CPA5: variants seen among roughly 807,000 people sequenced by gnomAD.
CPA5 encodes the protein testicular tissue protein Li 32.
CPA5 carries 38 observed loss-of-function variants against 52.2 expected under a neutral mutation model. The ratio of observed to expected loss-of-function variants is 0.73; its 90% confidence interval spans 0.56 to 0.95. The LOEUF (loss-of-function observed/expected upper bound fraction) is 0.95, where lower values mean the gene tolerates loss of function less well. Among genes scored for constraint, CPA5 ranks in the 40% least tolerant of loss-of-function variants. The probability of loss-of-function intolerance (pLI) is 0.00; values close to 1 mark genes in which losing one functional copy is unlikely to be tolerated. For synonymous variants in CPA5, 198 were observed against 213.7 expected, an observed-to-expected ratio of 0.93 and a Z score of 0.64; for missense variants, 519 against 566.7, an observed-to-expected ratio of 0.92 and a Z score of 0.86.
intron 5 of CPA5, 64 bp downstream of exon 5, chr7:130,350,173 G>A: frequency 6.5e-7 from 1 of 1,543,728 alleles, no homozygotes; most frequent in Non-Finnish European, 8.7e-7. Context: ...GCCCAACATG[G>A]AGGAGATGTT....
chr7:130,359,753 A>G, intron 6 of CPA5, 66 bp downstream of exon 6: 1 of 1,106,076 alleles, frequency 9.0e-7, no homozygotes, highest in Non-Finnish European at 1.3e-6. Context: ...CTCCTGACTC[A>G]GTCAGAAACT....
chr7:130,347,650 G>T, intron 3 of CPA5, 116 bp from the exon 4 acceptor site: 1 of 801,270 alleles, frequency 1.2e-6, no homozygotes, highest in South Asian at 1.6e-5. Context: ...GGTGCCTCCT[G>T]GCCTCCCCGC....
In CPA5 at chr7:130,368,594, C is replaced by T; in HGVS notation, c.1308C>T (p.Tyr436=). 1 of 1,614,044 alleles carries T rather than the reference C, an allele frequency of 6.2e-7. No homozygotes were observed. The highest frequency in any genetic ancestry group is 8.5e-7 in the Non-Finnish European group (1 of 1,179,996). ...TIMEHTLNHP[Y] is the part of the protein sequence containing the mutation. ...TGGAGCACACCCTGAATCACCCCTA[C>T]TAGCAGCACGACTGAGGGCAGGAGG... The change falls in exon 13 of 13, where the codon TAC becomes TAT. Residue 436 remains tyrosine, a synonymous_variant. Transcript: ENST00000474905.
chr7:130,350,882 C>A (rs1795094736), intron 5 of CPA5, among the ~76,000 whole-genome samples: 1 of 152,220 alleles, frequency 6.6e-6, no homozygotes, highest in African/African-American at 2.4e-5. Flanking sequence ...GGGTACCACT[C>A]ATTGGTTAAG....
Position 130,368,405 on chromosome 7 carries a change from T to A in CPA5, c.1124-5T>A. 6.2e-7 allele frequency: 1 copy of A among 1,613,508 alleles called. No individual in the cohort carries two copies. The highest frequency in any genetic ancestry group is 1.7e-4 in the Middle Eastern group (1 of 6,060). ...TGGGGCACATTTTGGAACTTTTGTT[T>A]CTAGATGTGGCCAGTGGGATCACCG... On this transcript the variant is annotated splice_polypyrimidine_tract_variant and splice_region_variant and intron_variant, in intron 12 of 12. Transcript: ENST00000474905.
At chr7:130,370,716 C>T (rs117811254), downstream of CPA5, among the ~76,000 whole-genome samples, 2,952 of 152,234 alleles carry the variant, frequency 0.019, 40 homozygotes, top group Non-Finnish European at 0.031. Context: ...CAGCCGGTGG[C>T]CCATCTGCAG....
chr7:130,361,054 G>C (rs1427883012), intron 6 of CPA5, 89 bp from the exon 7 acceptor site: 1 of 821,990 alleles, frequency 1.2e-6, no homozygotes, highest in Non-Finnish European at 2.1e-6. Context: ...GAAGAGAGTG[G>C]GAAGGGACAG....
downstream of CPA5, among the ~76,000 whole-genome samples, chr7:130,371,607 G>A (rs1009380467): frequency 5.3e-5 from 8 of 149,892 alleles, no homozygotes; most frequent in African/African-American, 2.0e-4. Flanking sequence ...TTTTGTTCTT[G>A]TTGCCCATGG....
chr7:130,368,384 G>A (rs1230068414), intron 12 of CPA5, 26 bp from the exon 13 acceptor site: 2 of 1,608,968 alleles, frequency 1.2e-6, no homozygotes, highest in Non-Finnish European at 1.7e-6. Flanking sequence ...CTTTTGTGGG[G>A]CACATTTTGG....
downstream of CPA5, among the ~76,000 whole-genome samples, chr7:130,372,262 C>T (rs1796302523): frequency 6.6e-6 from 1 of 152,220 alleles, no homozygotes; most frequent in South Asian, 2.1e-4. Context: ...GCGTTGCTCA[C>T]TCTCTCTGCA....
Position 130,362,429 on chromosome 7 carries a change from T to C in CPA5, c.535-9T>C, listed in dbSNP as rs782267579. 1 of 1,605,338 alleles carries C rather than the reference T, an allele frequency of 6.2e-7. No individual in the cohort carries two copies. The highest frequency in any genetic ancestry group is 8.5e-7 in the Non-Finnish European group (1 of 1,172,996). On this transcript the variant is annotated splice_polypyrimidine_tract_variant and intron_variant, in intron 7 of 12. Transcript: ENST00000474905. ...AAACCTCGGTTTGGGGCCCGATTCT[T>C]TTTCTCAGTTCAGCACTGGAGGTTC...
In CPA5 at chr7:130,368,551, T is replaced by C. The variant is rs782657191; in HGVS notation, c.1265T>C (p.Met422Thr). ...QIIPTAQETWMALRTIMEHTL... is the reference protein window; with the variant it reads ...QIIPTAQETWTALRTIMEHTL... ...ATCCCCACGGCCCAGGAGACGTGGA[T>C]GGCGCTTCGGACCATCATGGAGCAC... is the stretch of plus-strand genomic sequence containing the variant. The change falls in exon 13 of 13, where the codon ATG (methionine) becomes ACG (threonine). Residue 422 changes from methionine to threonine, a missense_variant. Met to Thr is a moderately conservative substitution (Grantham distance 81). Transcript: ENST00000474905. The C allele has an allele frequency of 3.1e-6, 5 of 1,613,940 alleles. No homozygotes were observed. Among genetic ancestry groups the C allele is most frequent in the Non-Finnish European group, 4.2e-6 (5 of 1,180,026 alleles).
Position 130,368,588 on chromosome 7 carries a change from C to T in CPA5, c.1302C>T (p.His434=). 6.2e-7 allele frequency: 1 copy of T among 1,614,024 alleles called. No individual in the cohort carries two copies. Among genetic ancestry groups the T allele is most frequent in the Non-Finnish European group, 8.5e-7 (1 of 1,179,992 alleles). The change falls in exon 13 of 13, where the codon CAC becomes CAT. Residue 434 remains histidine, a synonymous_variant. Transcript: ENST00000474905. ...LRTIMEHTLN[H]PY The stretch of plus-strand genomic sequence containing the variant: ...CCATCATGGAGCACACCCTGAATCA[C>T]CCCTACTAGCAGCACGACTGAGGGC...
chr7:130,367,582 C>G lies in CPA5; in HGVS notation c.1038+11C>G. The G allele has an allele frequency of 6.2e-7, 1 of 1,610,648 alleles. No homozygotes were observed. Among genetic ancestry groups the G allele is most frequent in the Middle Eastern group, 1.7e-4 (1 of 6,000 alleles). On this transcript the variant is annotated intron_variant, in intron 11 of 12. Coordinates refer to ENST00000474905, the MANE Select transcript of CPA5 (RefSeq NM_080385.5). ...AATCAGAGGGAGTTGGTGAGACTGG[C>G]TGCTTAGGGCCTGGGGAGAAGAGAC...
At position 130,368,647 on chromosome 7, in the gene CPA5, C is replaced by T; in HGVS notation, c.*50C>T. 1.9e-6 allele frequency: 3 copies of T among 1,595,136 alleles called. No homozygotes were observed. The highest frequency in any genetic ancestry group is 2.6e-6 in the Non-Finnish European group (3 of 1,167,276). On this transcript the variant is annotated 3_prime_UTR_variant, in exon 13 of 13. Coordinates refer to ENST00000474905, the MANE Select transcript of CPA5 (RefSeq NM_080385.5). The stretch of plus-strand genomic sequence containing the variant: ...CCATCCTTCTCCCCAAGGTCTGTGG[C>T]TCCTCCCGAAACCCAAGTTATGCAT...
downstream of CPA5, among the ~76,000 whole-genome samples, chr7:130,370,514 ATT>A (rs1178214232): frequency 1.3e-5 from 2 of 152,092 alleles, no homozygotes; most frequent in Non-Finnish European, 2.9e-5. Flanking sequence ...CGATACAAAT[ATT>A]TTTATTTTTA....
chr7:130,347,986 A>T, intron 4 of CPA5, 139 bp downstream of exon 4: 2 of 638,136 alleles, frequency 3.1e-6, no homozygotes, highest in East Asian at 2.9e-5. Flanking sequence ...GGGAAATCAC[A>T]CGTGGCTCCA....
chr7:130,367,920 G>C lies in CPA5; in HGVS notation c.1053G>C (p.Lys351Asn), dbSNP rs1224578852. 57 of 1,614,122 alleles carry C rather than the reference G, an allele frequency of 3.5e-5. No individual in the cohort carries two copies. The highest frequency in any genetic ancestry group is 4.7e-5 in the Non-Finnish European group (55 of 1,180,034). Reference sequence around the variant, plus strand: ...TCATCTTGCAGTACGATCTTGCCAAGGATGCGGTGGAGGCCTTGTATAAGG... The same window carrying C: ...TCATCTTGCAGTACGATCTTGCCAACGATGCGGTGGAGGCCTTGTATAAGG... ...SNQRELYDLAKDAVEALYKVH... is the reference protein window; with the variant it reads ...SNQRELYDLANDAVEALYKVH... The change falls in exon 12 of 13, where the codon AAG (lysine) becomes AAC (asparagine). Residue 351 changes from lysine (K) to asparagine (N), a missense_variant. Transcript: ENST00000474905.
intron 5 of CPA5, among the ~76,000 whole-genome samples, chr7:130,352,953 A>C (rs573793847): frequency 6.6e-6 from 1 of 151,646 alleles, no homozygotes; most frequent in Non-Finnish European, 1.5e-5. Context: ...ATAAATATTC[A>C]TGTTAGATAA....
Sources: gnomAD v4.1 joint callset for allele counts (sites outside exome capture counted in the v4.1 genomes callset) on GRCh38, gnomAD v4.1.1 for gene constraint, MANE v1.5 for transcripts, NCBI Gene and HGNC (gene_info 2026-07-23, HGNC 2026-07-21) for gene names.